EPS8: variants seen among roughly 807,000 people sequenced by gnomAD.
EPS8 encodes epidermal growth factor receptor kinase substrate 8.
In EPS8, 42 loss-of-function variants were observed where a neutral mutation model predicts 103.8. The ratio of observed to expected loss-of-function variants is 0.40; its 90% CI spans 0.32 to 0.52. The LOEUF is 0.52. EPS8 is among the 20% of genes least tolerant of loss of function. The probability of loss-of-function intolerance (pLI) is 0.40; values close to 1 mark genes in which losing one functional copy is unlikely to be tolerated. For synonymous variants in EPS8, 344 were observed against 344.6 expected (o/e 1.00, Z 0.02); for missense variants, 969 against 1,005.1 (o/e 0.96, Z 0.49).
rs375077094 is a variant in EPS8, at chr12:15,743,828, T to C, written c.-22+45333A>G. Reference sequence around the variant, plus strand: ...AAACCCTAGAAGAAACCCTAGGCAATACCATTCAGGCCATAGGCATGGGCA... The same window carrying C: ...AAACCCTAGAAGAAACCCTAGGCAACACCATTCAGGCCATAGGCATGGGCA... On this transcript the variant is annotated intron_variant, in intron 1 of 20. Transcript: ENST00000281172. 9.2e-5 allele frequency among the ~76,000 whole-genome samples: 14 copies of C among 152,262 alleles called. 1 individual carries two copies. The East Asian group carries it at 2.5e-3, about 27-fold the overall frequency.
At position 15,684,032 on chromosome 12, in the gene EPS8, G is replaced by A. The variant is rs965908700; in HGVS notation, c.-21-1060C>T. 1 of 152,176 alleles carries A rather than the reference G, an allele frequency of 6.6e-6. No homozygotes were observed. The highest frequency in any genetic ancestry group is 2.4e-5 in the African/African-American group (1 of 41,444). 9.4% of individuals were successfully genotyped at this position (152,176 alleles called of 1,614,324 possible). The stretch of plus-strand genomic sequence containing the variant: ...TGGGACCACCAAAGTGAACCAAACA[G>A]ACATGGTCCCAACTATAGGGCCAAC... On this transcript the variant is annotated intron_variant, in intron 1 of 20. Transcript: ENST00000281172. The surrounding 1 kb of genome is among the most constrained non-coding windows in gnomAD (Gnocchi z 4.9).
At position 15,662,115 on chromosome 12, in the gene EPS8, T is replaced by G; in HGVS notation, c.737-16A>C. The G allele has an allele frequency of 1.2e-6, 2 of 1,608,196 alleles. No individual in the cohort carries two copies. The highest frequency in any genetic ancestry group is 2.7e-5 in the African/African-American group (2 of 74,884). ...GGTTTCTCAACTATAGAAAGGACAA[T>G]CATAAGTCTTTCAATCTTTTACTCC... On this transcript the variant is annotated splice_polypyrimidine_tract_variant and intron_variant, in intron 8 of 20. Coordinates refer to ENST00000281172, the MANE Select transcript of EPS8 (RefSeq NM_004447.6).
rs1384218327 is a variant in EPS8 at position 15,785,118 on chromosome 12, G to A, written c.-22+4043C>T. On this transcript the variant is annotated intron_variant, in intron 1 of 20. Transcript: ENST00000281172. This position sits in a 1 kb window ranked among gnomAD's most constrained non-coding sequence, Gnocchi z 4.9. ...TAAACTTTAATGTATGCAAACGTAA[G>A]CAAATCATTTAGAAGGTCAAGGAAT... Among the ~76,000 whole-genome samples, 1 of 152,098 alleles carries A rather than the reference G, an allele frequency of 6.6e-6. No homozygotes were observed. Among genetic ancestry groups the A allele is most frequent in the African/African-American group, 2.4e-5 (1 of 41,440 alleles).
rs1237390886 is a variant in EPS8 at position 15,780,411 on chromosome 12, T to C, written c.-22+8750A>G. ...CATTCTATGAGACTCAAACATCACC[T>C]TCCCCAGTAAAGACTTTTCTGACTC... is the stretch of plus-strand genomic sequence containing the variant. On this transcript the variant is annotated intron_variant, in intron 1 of 20. Transcript: ENST00000281172. The surrounding 1 kb of genome is among the most constrained non-coding windows in gnomAD (Gnocchi z 4.1). 6.7e-6 allele frequency among the ~76,000 whole-genome samples: 1 copy of C among 149,004 alleles called. No individual in the cohort carries two copies. Among genetic ancestry groups the C allele is most frequent in the African/African-American group, 2.5e-5 (1 of 40,254 alleles).
chr12:15,671,154 A>G (rs1591840299), intron 3 of EPS8, among the ~76,000 whole-genome samples: 1 of 152,134 alleles, frequency 6.6e-6, no homozygotes, highest in South Asian at 2.1e-4. Context: ...CCATTTTTAG[A>G]ATTCCAAAGG....
intron 2 of EPS8, among the ~76,000 whole-genome samples, chr12:15,681,533 C>T (rs1170688292): frequency 6.6e-6 from 1 of 151,650 alleles, no homozygotes; most frequent in Non-Finnish European, 1.5e-5. Flanking sequence ...GAGTTCGTGA[C>T]CAGCCTGACC....
rs190640698 is a variant in EPS8, at chr12:15,630,239, C to T, written c.2044+1203G>A. Among the ~76,000 whole-genome samples, 235 of 152,100 alleles carry T rather than the reference C, an allele frequency of 1.5e-3. 1 individual carries two copies. The highest frequency in any genetic ancestry group is 4.1e-3 in the African/African-American group (170 of 41,502). Reference sequence around the variant, plus strand: ...ACACACACACACATACACACACACACTTCATATACTTTTGTCATATTGGGG... The same window carrying T: ...ACACACACACACATACACACACACATTTCATATACTTTTGTCATATTGGGG... On this transcript the variant is annotated intron_variant, in intron 18 of 20. Coordinates refer to ENST00000281172, the MANE Select transcript of EPS8 (RefSeq NM_004447.6).
At chr12:15,741,590 A>G (rs1216584027) in intron 1 of EPS8, among the ~76,000 whole-genome samples, 1 of 152,190 alleles carries the variant, frequency 6.6e-6, no homozygotes, top group African/African-American at 2.4e-5. Context: ...AATACTACCA[A>G]GAGGAGAGAG....
In EPS8 at chr12:15,679,933, G is replaced by A. The variant is rs546424276; in HGVS notation, c.136+1293C>T. ...AAAAATCTTTTTCTGTTATCTTCAA[G>A]TTATTCTCCAGACTTTAAGTCCCTT... On this transcript the variant is annotated intron_variant, in intron 3 of 20. Coordinates refer to ENST00000281172, the MANE Select transcript of EPS8 (RefSeq NM_004447.6). 2.6e-5 allele frequency among the ~76,000 whole-genome samples: 4 copies of A among 152,178 alleles called. No homozygotes were observed. The South Asian group carries it at 8.3e-4, about 32-fold the overall frequency.
intron 18 of EPS8, among the ~76,000 whole-genome samples, chr12:15,625,473 C>A (rs962635136): frequency 6.6e-6 from 1 of 152,124 alleles, no homozygotes; most frequent in Non-Finnish European, 1.5e-5. Flanking sequence ...GCAAAGTTCA[C>A]GAAAAGTTGC....
In EPS8 at chr12:15,688,473, G is replaced by A. The variant is rs1415239088; in HGVS notation, c.-21-5501C>T. 6.6e-6 allele frequency among the ~76,000 whole-genome samples: 1 copy of A among 152,112 alleles called. No homozygotes were observed. Among genetic ancestry groups the A allele is most frequent in the South Asian group, 2.1e-4 (1 of 4,824 alleles). ...CCAAATGTTGCATTTCCCAAGACCAGCCTGGCTTGCCACGCCCCCATTTTG... is the reference window on the plus strand; with the variant it reads ...CCAAATGTTGCATTTCCCAAGACCAACCTGGCTTGCCACGCCCCCATTTTG... On this transcript the variant is annotated intron_variant, in intron 1 of 20. Coordinates refer to ENST00000281172, the MANE Select transcript of EPS8 (RefSeq NM_004447.6). The surrounding 1 kb of genome is among the most constrained non-coding windows in gnomAD (Gnocchi z 5.1).
At chr12:15,639,199 T>C (rs1457311691) in intron 17 of EPS8, among the ~76,000 whole-genome samples, 2 of 152,186 alleles carry the variant, frequency 1.3e-5, no homozygotes, top group African/African-American at 2.4e-5. Flanking sequence ...TTAGTTGATA[T>C]AGCCCAAAGG....
chr12:15,670,537 C>T (rs1472534472), intron 4 of EPS8, among the ~76,000 whole-genome samples: 1 of 152,098 alleles, frequency 6.6e-6, no homozygotes, highest in Non-Finnish European at 1.5e-5. Flanking sequence ...AACTAAATTG[C>T]TCACTGAAAC....
chr12:15,660,650 T>C lies in EPS8; in HGVS notation c.901A>G (p.Lys301Glu). The C allele has an allele frequency of 1.3e-6, 2 of 1,597,420 alleles. No individual in the cohort carries two copies. Among genetic ancestry groups the C allele is most frequent in the Non-Finnish European group, 1.7e-6 (2 of 1,165,242 alleles). ...TTCCTTTTACCTTTCTTGTTTTTCT[T>C]CCTTTTAGAAAGCTCAGAAAATGCT... ...AEAFSELSKR[K>E]KNKKGKRKGP... Residue 301 changes from lysine (K) to glutamate (E), a missense_variant, in exon 10 of 21, where the codon AAG becomes GAG. Physicochemically the swap from Lys to Glu is moderately conservative, Grantham distance 56. Coordinates refer to ENST00000281172, the MANE Select transcript of EPS8 (RefSeq NM_004447.6).
rs1475440830 is a variant in EPS8 at position 15,769,977 on chromosome 12, C to G, written c.-22+19184G>C. Among the ~76,000 whole-genome samples, 1 of 149,638 alleles carries G rather than the reference C, an allele frequency of 6.7e-6. No homozygotes were observed. The highest frequency in any genetic ancestry group is 2.5e-5 in the African/African-American group (1 of 40,684). On this transcript the variant is annotated intron_variant, in intron 1 of 20. Transcript: ENST00000281172. The surrounding 1 kb of genome is among the most constrained non-coding windows in gnomAD (Gnocchi z 4.6). ...TCTTTTTTGAGACTAGGGTCTCGCT[C>G]TTTCACCCATGCTGCAGTGTAGTGG...
At chr12:15,640,219 A>C (rs1052032115) in intron 17 of EPS8, among the ~76,000 whole-genome samples, 4 of 152,194 alleles carry the variant, frequency 2.6e-5, no homozygotes, top group East Asian at 3.9e-4. Flanking sequence ...ATCCAGGTGA[A>C]CAGGTACTCA....
At chr12:15,642,716 A>G (rs1945253533) in intron 15 of EPS8, among the ~76,000 whole-genome samples, 1 of 152,226 alleles carries the variant, frequency 6.6e-6, no homozygotes, top group African/African-American at 2.4e-5. Context: ...AATAGCAGGT[A>G]GAGACTAAAG....
intron 12 of EPS8, among the ~76,000 whole-genome samples, chr12:15,655,800 G>A (rs998631579): frequency 5.9e-5 from 9 of 152,320 alleles, no homozygotes; most frequent in Non-Finnish European, 1.3e-4. Context: ...GTGTGTACAT[G>A]TCCATGCTGA....
chr12:15,644,884 T>A (rs1158072252), intron 15 of EPS8, among the ~76,000 whole-genome samples: 1 of 152,110 alleles, frequency 6.6e-6, no homozygotes, highest in East Asian at 1.9e-4. Context: ...TGATGACAAA[T>A]GTTCTTAGCA....
Sources: gnomAD v4.1 joint callset for allele counts (sites outside exome capture counted in the v4.1 genomes callset) on GRCh38, gnomAD v4.1.1 for gene constraint, Gnocchi (gnomAD v3.1) non-coding constraint, MANE v1.5 for transcripts, NCBI Gene and HGNC (gene_info 2026-07-23, HGNC 2026-07-21) for gene names.